EZH1: variants seen among roughly 807,000 people sequenced by gnomAD.
EZH1 encodes enhancer of zeste 1 polycomb repressive complex 2 subunit, also known as histone-lysine N-methyltransferase EZH1.
EZH1 carries 33 observed loss-of-function variants against 100.5 expected under a neutral mutation model. That is an observed-to-expected ratio of 0.33 (90% CI 0.25 to 0.44). EZH1 has a LOEUF of 0.44. Ranked by LOEUF, EZH1 falls within the 20% of genes least tolerant of loss-of-function variation. EZH1 has a pLI of 1.00. For missense variants in EZH1, 475 were observed against 928.4 expected (o/e 0.51, Z 6.35); for synonymous variants, 272 against 313.8 (o/e 0.87, Z 1.41).
chr17:42,738,959 T>C (rs112980913), intron 1 of EZH1, among the ~76,000 whole-genome samples: 4,992 of 151,640 alleles, frequency 0.033, 158 homozygotes, highest in Admixed American at 0.075. Context: ...GGTTTCACCA[T>C]GTTGGCCAGG....
chr17:42,725,941 C>T (rs1005319548), intron 4 of EZH1, among the ~76,000 whole-genome samples: 7 of 150,740 alleles, frequency 4.6e-5, no homozygotes, highest in African/African-American at 1.2e-4. Flanking sequence ...TGCAGTTGCA[C>T]GATCTTGGCT....
chr17:42,728,934 A>G lies in EZH1; in HGVS notation c.8T>C (p.Ile3Thr). The G allele has an allele frequency of 6.2e-7, 1 of 1,611,698 alleles. No homozygotes were observed. Among genetic ancestry groups the G allele is most frequent in the East Asian group, 2.2e-5 (1 of 44,772 alleles). ME[I>T]PNPPTSKCIT... ...ACATTTGGAGGTAGGGGGATTTGGT[A>G]TTTCCATCTTGCTGTAATCTAAGAG... The change falls in exon 3 of 21, where the codon ATA becomes ACA. Residue 3 changes from isoleucine to threonine, a missense_variant. By Grantham distance (89) the Ile-to-Thr change is moderately conservative (BLOSUM62 -1). Coordinates refer to ENST00000428826, the MANE Select transcript of EZH1 (RefSeq NM_001991.5).
intron 1 of EZH1, among the ~76,000 whole-genome samples, chr17:42,736,322 C>T (rs1205497354): frequency 1.3e-5 from 2 of 152,114 alleles, no homozygotes; most frequent in African/African-American, 2.4e-5. Flanking sequence ...AATTATTTAT[C>T]CAAGAGAATT....
In EZH1 at chr17:42,729,744, A is replaced by T. The variant is rs553134091; in HGVS notation, c.-11-792T>A. 8.4e-3 allele frequency among the ~76,000 whole-genome samples: 709 copies of T among 84,298 alleles called. 5 individuals are homozygous for T. The highest frequency in any genetic ancestry group is 0.014 in the South Asian group (33 of 2,314). The allele number at this position is 84,298 out of a possible 152,430, so 55.3% of individuals were successfully genotyped here. A position where few individuals can be genotyped will look rare whatever the true frequency, so the allele number is the denominator to read the frequency against. Reference sequence around the variant, plus strand: ...ACACAGTGAGACTCCATCTCAAAAAAGAAAAAAAAAAAAGTCCGGGCATGG... The same window carrying T: ...ACACAGTGAGACTCCATCTCAAAAATGAAAAAAAAAAAAGTCCGGGCATGG... On this transcript the variant is annotated intron_variant, in intron 2 of 20. Transcript: ENST00000428826.
Position 42,712,497 on chromosome 17 carries a change from A to T in EZH1, c.1205-12T>A, listed in dbSNP as rs1331598238. On this transcript the variant is annotated splice_polypyrimidine_tract_variant and intron_variant, in intron 11 of 20. Coordinates refer to ENST00000428826, the MANE Select transcript of EZH1 (RefSeq NM_001991.5). ...GCGAGAGTTAGCCTCTGAGAAGGGA[A>T]GAAATAACAGAATCAGAAGAAGGTA... 1.2e-6 allele frequency: 2 copies of T among 1,607,954 alleles called. No individual in the cohort carries two copies. The highest frequency in any genetic ancestry group is 4.5e-5 in the East Asian group (2 of 44,816).
At chr17:42,725,495 G>C (rs368035489) in intron 4 of EZH1, among the ~76,000 whole-genome samples, 1 of 150,800 alleles carries the variant, frequency 6.6e-6, no homozygotes, top group South Asian at 2.1e-4. Context: ...TGCCCACGCT[G>C]GTCTCCAACT....
chr17:42,743,735 GA>G (rs910833496), intron 1 of EZH1, among the ~76,000 whole-genome samples: 6 of 151,964 alleles, frequency 3.9e-5, no homozygotes, highest in African/African-American at 1.4e-4. Flanking sequence ...CGAATGCTGG[GA>G]TTTCAGATAT....
intron 6 of EZH1, 101 bp downstream of exon 6, chr17:42,722,694 C>T: frequency 8.4e-7 from 1 of 1,184,060 alleles, no homozygotes. Flanking sequence ...CAGTGTGTAC[C>T]CCATGGGGCA....
chr17:42,708,755 G>A, intron 14 of EZH1, 121 bp downstream of exon 14: 2 of 1,054,120 alleles, frequency 1.9e-6, no homozygotes, highest in Non-Finnish European at 2.9e-6. Flanking sequence ...TTGCTGCAGA[G>A]AATTCTGCAA....
chr17:42,710,057 T>C (rs549730712), intron 12 of EZH1, 120 bp from the exon 13 acceptor site: 2 of 781,344 alleles, frequency 2.6e-6, no homozygotes, highest in Non-Finnish European at 4.5e-6. Flanking sequence ...AAGCCTCTCA[T>C]CAGTCAGGGA....
Position 42,705,183 on chromosome 17 carries a change from G to T in EZH1, c.1840C>A (p.His614Asn). The change falls in exon 17 of 21, where the codon CAC becomes AAC. Residue 614 changes from histidine to asparagine, a missense_variant and splice_region_variant. By Grantham distance (68) the His-to-Asn change is moderately conservative. Around this residue, in one of 8 missense-constraint regions of EZH1, gnomAD observed 23 missense variants for 31.9 expected, o/e 0.72. Coordinates refer to ENST00000428826, the MANE Select transcript of EZH1 (RefSeq NM_001991.5). Reference sequence around the variant, plus strand: ...ACATCAGAGGGGGCCAGCAGCAGGTGCTGGGGAAGAGGGGGCCAAGTCTCA... The same window carrying T: ...ACATCAGAGGGGGCCAGCAGCAGGTTCTGGGGAAGAGGGGGCCAAGTCTCA... ...NCSIQRGLKK[H>N]LLLAPSDVAG... 6.2e-7 allele frequency: 1 copy of T among 1,611,760 alleles called. No individual in the cohort carries two copies.
Position 42,702,900 on chromosome 17 carries a change from G to A in EZH1, c.2160C>T (p.Gly720=), listed in dbSNP as rs141881005. The part of the protein sequence containing the change: ...GIFAKRAIQA[G]EELFFDYRYS... The stretch of plus-strand genomic sequence containing the variant: ...ACCTGTAATCAAAGAAGAGCTCTTC[G>A]CCAGCTTGAATTGCCCTCTTGGCAA... Residue 720 remains glycine, a synonymous_variant, in exon 20 of 21, where the codon GGC becomes GGT. Transcript: ENST00000428826. The A allele has an allele frequency of 2.0e-5, 32 of 1,613,910 alleles. No homozygotes were observed. The highest frequency in any genetic ancestry group is 6.7e-5 in the Admixed American group (4 of 59,990).
At chr17:42,711,819 A>G (rs1263090163) in intron 12 of EZH1, among the ~76,000 whole-genome samples, 2 of 152,124 alleles carry the variant, frequency 1.3e-5, no homozygotes, top group Admixed American at 1.3e-4. Context: ...TCAAAGACAA[A>G]ATAAAGATAA....
chr17:42,722,966 T>C (rs1483626737), intron 5 of EZH1, 51 bp from the exon 6 acceptor site: 1 of 1,586,396 alleles, frequency 6.3e-7, no homozygotes, highest in Non-Finnish European at 8.6e-7. Context: ...ATGCATCTGC[T>C]CTTTCCTATT....
intron 1 of EZH1, 47 bp downstream of exon 1, chr17:42,744,964 A>G: frequency 8.0e-7 from 1 of 1,254,082 alleles, no homozygotes; most frequent in South Asian, 1.3e-5. Context: ...CGGCGAGGGG[A>G]GGAGGCCCGG....
chr17:42,729,898 T>G (rs1438238330), intron 2 of EZH1, among the ~76,000 whole-genome samples: 1 of 151,566 alleles, frequency 6.6e-6, no homozygotes, highest in Non-Finnish European at 1.5e-5. Context: ...ATTAGCTGGA[T>G]GTGGTGGCAC....
chr17:42,727,682 G>A lies in EZH1; in HGVS notation c.199C>T (p.Pro67Ser). 6.2e-7 allele frequency: 1 copy of A among 1,609,434 alleles called. No individual in the cohort carries two copies. Among genetic ancestry groups the A allele is most frequent in the East Asian group, 2.2e-5 (1 of 44,644 alleles). The change falls in exon 4 of 21, where the codon CCT becomes TCT. Residue 67 changes from proline (P) to serine (S), a missense_variant. Physicochemically the swap from Pro to Ser is moderately conservative, Grantham distance 74. This residue lies in a region of EZH1 where 105 missense variants were observed against 129.8 expected (regional missense o/e 0.81). Transcript: ENST00000428826. The stretch of plus-strand genomic sequence containing the variant: ...CTCACAGGCTTCATTGACTGAACAG[G>A]TTGGACACGAAGCTTCTTCCATTCT... Reference protein sequence around the residue: ...NEEWKKLRVQPVQSMKPVSGH... With the variant: ...NEEWKKLRVQSVQSMKPVSGH...
Position 42,702,832 on chromosome 17 carries a change from TCCAATTCCTGGGCCACATCCCAAGGA to T in EZH1, c.2183+19_2183+44del, listed in dbSNP as rs1359790921. On this transcript the variant is annotated intron_variant, in intron 20 of 20. Coordinates refer to ENST00000428826, the MANE Select transcript of EZH1 (RefSeq NM_001991.5). ...CAAATCTATTCCAACAGCCACTCTT[TCCAATTCCTGGGCCACATCCCAAGGA>T]CCATTACTGGCACCTCACCTGTAAT... 2.5e-6 allele frequency: 4 copies of T among 1,600,778 alleles called. No homozygotes were observed. The African/African-American group carries it at 4.0e-5, about 16-fold the overall frequency.
intron 10 of EZH1, among the ~76,000 whole-genome samples, chr17:42,713,696 A>C (rs905843329): frequency 7.9e-5 from 12 of 152,162 alleles, no homozygotes; most frequent in East Asian, 1.9e-4. Context: ...CCTGGGCTCA[A>C]GTGATTCCCT....
Sources: allele counts gnomAD v4.1 joint callset (sites outside exome capture counted in the v4.1 genomes callset), GRCh38; gene constraint gnomAD v4.1.1; regional missense constraint gnomAD v4.1.1; transcripts MANE v1.5; gene names NCBI Gene and HGNC (gene_info 2026-07-23, HGNC 2026-07-21).